ACSF2: variants seen among roughly 807,000 people sequenced by gnomAD.
ACSF2 encodes the protein acyl-CoA synthetase family member 2.
Under a neutral mutation model 79.3 loss-of-function variants are expected in ACSF2, and 52 were observed. The observed-to-expected ratio is 0.66, with a 90% CI of 0.53 to 0.83. The LOEUF is 0.83. Ranked by LOEUF, ACSF2 falls within the 40% of genes least tolerant of loss-of-function variation. The pLI, the probability that ACSF2 is intolerant of heterozygous loss-of-function variation, is 0.00. For missense variants in ACSF2, 661 were observed against 803.3 expected, an observed-to-expected ratio of 0.82 and a Z score of 2.14; for synonymous variants, 283 against 312.6, an observed-to-expected ratio of 0.91 and a Z score of 1.00.
intron 1 of ACSF2, among the ~76,000 whole-genome samples, chr17:50,441,270 A>G (rs1315102525): frequency 6.6e-6 from 1 of 152,268 alleles, no homozygotes; most frequent in Non-Finnish European, 1.5e-5. Context: ...CCCCAGGCTC[A>G]GGTGATCCTC....
chr17:50,472,332 G>C (rs2143809505), intron 11 of ACSF2, 96 bp from the exon 12 acceptor site: 2 of 1,451,682 alleles, frequency 1.4e-6, no homozygotes, highest in South Asian at 1.3e-5. Flanking sequence ...GTTGGGTTGG[G>C]GGGTTGGGGG....
intron 1 of ACSF2, among the ~76,000 whole-genome samples, chr17:50,427,337 A>G (rs527407850): frequency 1.3e-5 from 2 of 152,346 alleles, no homozygotes; most frequent in African/African-American, 4.8e-5. Flanking sequence ...CTTTTTGGCT[A>G]GAACTCCAAG....
intron 1 of ACSF2, among the ~76,000 whole-genome samples, chr17:50,444,885 GT>G (rs2031193824): frequency 6.6e-6 from 1 of 152,018 alleles, no homozygotes; most frequent in Admixed American, 6.6e-5. Flanking sequence ...CACTTGGTCT[GT>G]TTTGGTGGAA....
At chr17:50,468,743 G>C (rs2032925082) in intron 10 of ACSF2, 2 of 1,605,892 alleles carry the variant, frequency 1.2e-6, no homozygotes, top group Admixed American at 1.7e-5. Context: ...GCAGTTCTGG[G>C]GGCAGGCGGC....
At position 50,473,677 on chromosome 17, in the gene ACSF2, A is replaced by C. The variant is rs779109986; in HGVS notation, c.1488A>C (p.Thr496=). Residue 496 remains threonine (T), a synonymous_variant, in exon 13 of 16, where the codon ACA becomes ACC. Coordinates refer to ENST00000300441, the MANE Select transcript of ACSF2 (RefSeq NM_025149.6). ...DKWYWTGDVA[T]MNEQGFCKIV... is the part of the protein sequence containing the mutation. ...GCTTTCCTTACAGAGATGTCGCCAC[A>C]ATGAATGAGCAGGGCTTCTGCAAGA... 6.2e-7 allele frequency: 1 copy of C among 1,614,214 alleles called. No individual in the cohort carries two copies. Among genetic ancestry groups the C allele is most frequent in the South Asian group, 1.1e-5 (1 of 91,078 alleles).
rs548716222 is a variant in ACSF2, at chr17:50,440,303, G to A, written c.128+13914G>A. ...AGTCTCTGGGCCCCTCACAAATCAAGGTTCTGAGTCCTTCATCCTCCCTCC... is the reference window on the plus strand; with the variant it reads ...AGTCTCTGGGCCCCTCACAAATCAAAGTTCTGAGTCCTTCATCCTCCCTCC... On this transcript the variant is annotated intron_variant, in intron 1 of 15. Coordinates refer to ENST00000300441, the MANE Select transcript of ACSF2 (RefSeq NM_025149.6). Among the ~76,000 whole-genome samples, 5 of 152,262 alleles carry A rather than the reference G, an allele frequency of 3.3e-5. No individual in the cohort carries two copies. In the East Asian group the frequency reaches 9.6e-4, roughly 29 times the overall value.
At chr17:50,464,324 G>A (rs200435906) in intron 10 of ACSF2, 30 bp downstream of exon 10, 16 of 1,606,704 alleles carry the variant, frequency 1.0e-5, no homozygotes, top group Admixed American at 1.7e-5. Context: ...CGGGCTGTGG[G>A]CAGGCCAGGC....
chr17:50,462,573 C>T lies in ACSF2; in HGVS notation c.780C>T (p.Ile260=), dbSNP rs139906230. 1.7e-5 allele frequency: 28 copies of T among 1,613,486 alleles called. No homozygotes were observed. The highest frequency in any genetic ancestry group is 2.4e-5 in the Non-Finnish European group (28 of 1,179,650). The change falls in exon 6 of 16, where the codon ATC becomes ATT. Residue 260 remains isoleucine, a synonymous_variant. Transcript: ENST00000300441. The part of the protein sequence containing the change: ...QFLSCHDPIN[I]QFTSGTTGSP... The stretch of plus-strand genomic sequence containing the variant: ...TGTCCTGCCATGACCCCATCAACAT[C>T]CAGTTCACCTCGGTAGGGCAGAGGT...
intron 1 of ACSF2, among the ~76,000 whole-genome samples, chr17:50,456,504 G>T (rs1452295492): frequency 6.6e-6 from 1 of 151,888 alleles, no homozygotes; most frequent in East Asian, 1.9e-4. Context: ...AGGCCGAGGC[G>T]GGCGGATCAC....
chr17:50,443,737 C>T (rs1473540107), intron 1 of ACSF2, among the ~76,000 whole-genome samples: 1 of 152,204 alleles, frequency 6.6e-6, no homozygotes, highest in African/African-American at 2.4e-5. Flanking sequence ...TACCAGTTTA[C>T]ACTCTGGTAT....
intron 10 of ACSF2, chr17:50,469,108 G>T: frequency 2.6e-6 from 3 of 1,133,194 alleles, no homozygotes; most frequent in South Asian, 2.9e-5. Context: ...CCCGGCTGTA[G>T]CCCCCCGCTC....
At chr17:50,461,435 T>G in intron 3 of ACSF2, 65 bp downstream of exon 3, 1 of 1,606,996 alleles carries the variant, frequency 6.2e-7, no homozygotes, top group Non-Finnish European at 8.5e-7. Context: ...GGGGAGCCCC[T>G]CAGGCCCTCA....
At chr17:50,446,389 C>T (rs1338326691) in intron 1 of ACSF2, among the ~76,000 whole-genome samples, 3 of 152,036 alleles carry the variant, frequency 2.0e-5, no homozygotes, top group African/African-American at 2.4e-5. Flanking sequence ...TCCTGAGTAG[C>T]GGGGATTACA....
At chr17:50,426,974 A>G in intron 1 of ACSF2, 2 of 1,535,760 alleles carry the variant, frequency 1.3e-6, no homozygotes, top group Non-Finnish European at 8.7e-7. Flanking sequence ...CCTCTGCAGC[A>G]GCACAGTAAG....
Position 50,463,617 on chromosome 17 carries a change from C to A in ACSF2, c.1046+65C>A. On this transcript the variant is annotated intron_variant, in intron 8 of 15. Transcript: ENST00000300441. The surrounding 1 kb of genome is among the most constrained non-coding windows in gnomAD (Gnocchi z 4.6). Reference sequence around the variant, plus strand: ...CCCTCTTCTTCCTCACTCCTGGGCCCTGACACCTTTCCAAGCTGCCTCCTC... The same window carrying A: ...CCCTCTTCTTCCTCACTCCTGGGCCATGACACCTTTCCAAGCTGCCTCCTC... 1 of 1,582,742 alleles carries A rather than the reference C, an allele frequency of 6.3e-7. No homozygotes were observed. Among genetic ancestry groups the A allele is most frequent in the Admixed American group, 1.7e-5 (1 of 58,150 alleles).
Position 50,463,749 on chromosome 17 carries a change from G to A in ACSF2, c.1047-69G>A. On this transcript the variant is annotated intron_variant, in intron 8 of 15. Coordinates refer to ENST00000300441, the MANE Select transcript of ACSF2 (RefSeq NM_025149.6). The surrounding 1 kb of genome is among the most constrained non-coding windows in gnomAD (Gnocchi z 4.6). ...CTATTCCCTTTGCTGCAGTTTCATG[G>A]CGGGGTGGGTGAGAACAGGGAGTTC... 6.6e-7 allele frequency: 1 copy of A among 1,520,930 alleles called. No individual in the cohort carries two copies. Among genetic ancestry groups the A allele is most frequent in the South Asian group, 1.2e-5 (1 of 85,924 alleles). The allele number at this position is 1,520,930 out of a possible 1,614,324, so 94.2% of individuals were successfully genotyped here.
intron 10 of ACSF2, chr17:50,465,795 G>C (rs756421251): frequency 6.2e-7 from 1 of 1,613,872 alleles, no homozygotes; most frequent in Non-Finnish European, 8.5e-7. Flanking sequence ...AAGTTGGAGG[G>C]TAGCTGGTTC....
At chr17:50,432,404 A>C (rs886334591) in intron 1 of ACSF2, among the ~76,000 whole-genome samples, 10 of 152,232 alleles carry the variant, frequency 6.6e-5, no homozygotes, top group African/African-American at 2.2e-4. Flanking sequence ...CCCAAGGCCC[A>C]CAGTATAGTA....
chr17:50,446,726 C>CT (rs1269667800), intron 1 of ACSF2, among the ~76,000 whole-genome samples: 3 of 152,174 alleles, frequency 2.0e-5, no homozygotes, highest in African/African-American at 7.2e-5. Flanking sequence ...TTAGTTTTGC[C>CT]TATTTTGTAC....
Sources: allele counts gnomAD v4.1 joint callset (sites outside exome capture counted in the v4.1 genomes callset), GRCh38; gene constraint gnomAD v4.1.1; non-coding constraint Gnocchi (gnomAD v3.1); transcripts MANE v1.5; gene names NCBI Gene and HGNC (gene_info 2026-07-23, HGNC 2026-07-21).